The following RIMS1 variants were observed in gnomAD, a reference collection of about 807,000 sequenced individuals.
RIMS1 encodes regulating synaptic membrane exocytosis protein 1.
Under a neutral mutation model 214.1 loss-of-function variants are expected in RIMS1, and 83 were observed. The observed-to-expected ratio is 0.39, with a 90% confidence interval of 0.32 to 0.47. The LOEUF (loss-of-function observed/expected upper bound fraction) is 0.47. Ranked by LOEUF, RIMS1 falls within the 20% of genes least tolerant of loss-of-function variation. The pLI, the probability that RIMS1 is intolerant of heterozygous loss-of-function variation, is 0.99. For synonymous variants in RIMS1, 793 were observed against 786.8 expected, an observed-to-expected ratio of 1.01 and a Z score of -0.13; for missense variants, 2,050 against 2,161.8, an observed-to-expected ratio of 0.95 and a Z score of 1.03.
At chr6:72,059,789 GA>G (rs1415887618) in intron 2 of RIMS1, among the ~76,000 whole-genome samples, 2 of 152,078 alleles carry the variant, frequency 1.3e-5, no homozygotes, top group African/African-American at 4.8e-5. Flanking sequence ...AATTAAATGT[GA>G]ATTATTTTAA....
chr6:72,231,797 T>C (rs2062068188), intron 6 of RIMS1, among the ~76,000 whole-genome samples: 2 of 151,604 alleles, frequency 1.3e-5, no homozygotes, highest in African/African-American at 4.8e-5. Flanking sequence ...ATAAGAACAG[T>C]TTTTTGCAGA....
chr6:72,202,545 C>T (rs906803715), intron 6 of RIMS1, among the ~76,000 whole-genome samples: 3 of 152,058 alleles, frequency 2.0e-5, no homozygotes, highest in Non-Finnish European at 2.9e-5. Flanking sequence ...TAGTTACAGT[C>T]GGAGGTAATA....
chr6:71,944,371 G>T (rs1353403006), intron 1 of RIMS1, among the ~76,000 whole-genome samples: 1 of 152,200 alleles, frequency 6.6e-6, no homozygotes, highest in Non-Finnish European at 1.5e-5. Flanking sequence ...TCTTGAGGTT[G>T]TAGCCTCCTA....
chr6:71,913,896 G>C (rs1174301738), intron 1 of RIMS1, among the ~76,000 whole-genome samples: 2 of 152,102 alleles, frequency 1.3e-5, no homozygotes, highest in African/African-American at 4.8e-5. Context: ...AGGTATGGTA[G>C]AAAGTGACCT....
chr6:72,160,087 T>C (rs369983463), intron 4 of RIMS1, among the ~76,000 whole-genome samples: 3 of 60,272 alleles, frequency 5.0e-5, no homozygotes, highest in African/African-American at 1.5e-4. Context: ...TTGTAGTTCT[T>C]CTTGAAGAGG....
intron 6 of RIMS1, chr6:72,212,678 T>C (rs1480082419): frequency 3.3e-5 from 11 of 336,930 alleles, no homozygotes; most frequent in Non-Finnish European, 4.6e-5. Flanking sequence ...CAAAGGACAC[T>C]AGTTAGAGTA....
chr6:72,374,939 G>C (rs1322789191), intron 29 of RIMS1, among the ~76,000 whole-genome samples: 2 of 152,172 alleles, frequency 1.3e-5, no homozygotes, highest in Non-Finnish European at 2.9e-5. Context: ...GCACAACCTA[G>C]ATGCCTCAGA....
intron 1 of RIMS1, among the ~76,000 whole-genome samples, chr6:71,934,220 C>G (rs1182206637): frequency 1.3e-5 from 2 of 152,178 alleles, no homozygotes; most frequent in Non-Finnish European, 2.9e-5. Context: ...TTTGCTTCAG[C>G]AAATCATTTA....
rs1382465392 is a variant in RIMS1 at position 72,248,039 on chromosome 6, A to G, written c.2153A>G (p.Lys718Arg). Residue 718 changes from lysine (K) to arginine (R), a missense_variant, in exon 12 of 34, where the codon AAG (lysine) becomes AGG (arginine). Physicochemically the swap from Lys to Arg is conservative, Grantham distance 26. This residue lies in a region of RIMS1 where 111 missense variants were observed against 166.2 expected (regional missense o/e 0.67). Transcript: ENST00000521978. Reference sequence around the variant, plus strand: ...GGTTCAAGTTCCTTTGAATCTCAGAAGATGGAAAGGCCTTCCATTTCTGTT... The same window carrying G: ...GGTTCAAGTTCCTTTGAATCTCAGAGGATGGAAAGGCCTTCCATTTCTGTT... The part of the protein sequence containing the change: ...ESSSSSFESQ[K>R]MERPSISVIS... The G allele has an allele frequency of 2.2e-5, 35 of 1,612,826 alleles. No individual in the cohort carries two copies. Among genetic ancestry groups the G allele is most frequent in the Non-Finnish European group, 3.0e-5 (35 of 1,179,192 alleles).
intron 1 of RIMS1, among the ~76,000 whole-genome samples, chr6:71,896,692 G>T (rs1771909388): frequency 6.6e-6 from 1 of 152,186 alleles, no homozygotes; most frequent in South Asian, 2.1e-4. Flanking sequence ...AAATTGAGTG[G>T]TGGTTATGAT....
intron 19 of RIMS1, chr6:72,261,429 A>G (rs1363712376): frequency 2.0e-6 from 2 of 985,336 alleles, no homozygotes; most frequent in Non-Finnish European, 2.4e-6. Flanking sequence ...TTTTGCTTCT[A>G]AATTGGAGCT....
chr6:71,949,313 A>G (rs898602525), intron 1 of RIMS1, among the ~76,000 whole-genome samples: 2 of 152,134 alleles, frequency 1.3e-5, no homozygotes, highest in African/African-American at 4.8e-5. Context: ...AGGTCCTCTA[A>G]ATTATATGAT....
rs1385639309 is a variant in RIMS1 at position 72,400,595 on chromosome 6, G to A, written c.4960G>A (p.Gly1654Arg). The change falls in exon 34 of 34, where the codon GGA (glycine) becomes AGA (arginine). Residue 1654 changes from glycine to arginine, a missense_variant. Physicochemically the swap from Gly to Arg is moderately radical, Grantham distance 125. This residue lies in a region of RIMS1 where 14 missense variants were observed against 52.9 expected (regional missense o/e 0.26). Transcript: ENST00000521978. Reference sequence around the variant, plus strand: ...ACTCGACCTGTCCAGCATGGTGATCGGATGGTACAAATTGTTCCCACCGTC... The same window carrying A: ...ACTCGACCTGTCCAGCATGGTGATCAGATGGTACAAATTGTTCCCACCGTC... ...EELDLSSMVI[G>R]WYKLFPPSSL... The A allele has an allele frequency of 6.2e-7, 1 of 1,613,820 alleles. No homozygotes were observed. Among genetic ancestry groups the A allele is most frequent in the Non-Finnish European group, 8.5e-7 (1 of 1,179,840 alleles).
chr6:72,264,933 A>G, intron 19 of RIMS1, 42 bp from the exon 20 acceptor site: 4 of 1,291,992 alleles, frequency 3.1e-6, no homozygotes, highest in Non-Finnish European at 3.3e-6. Context: ...GGTTTCATAT[A>G]TATTTTTCTG....
rs758281814 is a variant in RIMS1, at chr6:72,237,789, A to T, written c.1858-34A>T. 12 of 1,422,578 alleles carry T rather than the reference A, an allele frequency of 8.4e-6. No individual in the cohort carries two copies. The Admixed American group carries it at 1.0e-4, about 12-fold the overall frequency. 88.1% of individuals were successfully genotyped at this position (1,422,578 alleles called of 1,614,324 possible). A position where few individuals can be genotyped will look rare whatever the true frequency, so the allele number is the denominator to read the frequency against. The stretch of plus-strand genomic sequence containing the variant: ...ACTAATAAGCTTATGTTTTAGTATG[A>T]GTCTTGGAAACTTATAAATTTGTAA... On this transcript the variant is annotated intron_variant, in intron 8 of 33. Transcript: ENST00000521978.
In RIMS1 at chr6:72,335,666, T is replaced by A. The variant is rs2154345482; in HGVS notation, c.4366+1831T>A. Among the ~76,000 whole-genome samples, 3 of 152,176 alleles carry A rather than the reference T, an allele frequency of 2.0e-5. 1 individual carries two copies. The South Asian group carries it at 6.2e-4, about 31-fold the overall frequency. On this transcript the variant is annotated intron_variant, in intron 29 of 33. Coordinates refer to ENST00000521978, the MANE Select transcript of RIMS1 (RefSeq NM_014989.7). Reference sequence around the variant, plus strand: ...TCGCCACACTGTCTTCCACAATGGTTGAACTAATTTACATTCCCACCAACA... The same window carrying A: ...TCGCCACACTGTCTTCCACAATGGTAGAACTAATTTACATTCCCACCAACA...
chr6:72,057,847 C>T (rs530582282), intron 2 of RIMS1, among the ~76,000 whole-genome samples: 18 of 152,316 alleles, frequency 1.2e-4, no homozygotes, highest in Admixed American at 3.3e-4. Context: ...CCAACAGAAA[C>T]TGTCCCAGGC....
intron 2 of RIMS1, among the ~76,000 whole-genome samples, chr6:71,971,099 C>A (rs1414409043): frequency 6.6e-6 from 1 of 152,016 alleles, no homozygotes; most frequent in East Asian, 1.9e-4. Flanking sequence ...TTAGATTTCT[C>A]TATATGGTAA....
At chr6:71,962,165 A>C (rs1266867802) in intron 1 of RIMS1, among the ~76,000 whole-genome samples, 2 of 152,134 alleles carry the variant, frequency 1.3e-5, no homozygotes, top group Admixed American at 1.3e-4. Context: ...ATGATTAAGA[A>C]GACCAGAGAC....
Sources: allele counts gnomAD v4.1 joint callset (sites outside exome capture counted in the v4.1 genomes callset), GRCh38; gene constraint gnomAD v4.1.1; regional missense constraint gnomAD v4.1.1; transcripts MANE v1.5; gene names NCBI Gene and HGNC (gene_info 2026-07-23, HGNC 2026-07-21).